FAM151A: variants seen among roughly 807,000 people sequenced by gnomAD.
FAM151A encodes family with sequence similarity 151 member A, also known as protein FAM151A.
A neutral mutation model predicts 40.4 loss-of-function variants in FAM151A; 41 were observed. The observed-to-expected ratio is 1.01, with a 90% CI of 0.79 to 1.32. The LOEUF (loss-of-function observed/expected upper bound fraction) is 1.32. FAM151A is among the 40% of genes most tolerant of loss of function. The probability of loss-of-function intolerance (pLI) is 0.00; values close to 1 mark genes in which losing one functional copy is unlikely to be tolerated. For missense variants in FAM151A, 740 were observed against 740.4 expected, an observed-to-expected ratio of 1.00 and a Z score of 0.01; for synonymous variants, 337 against 312.5, an observed-to-expected ratio of 1.08 and a Z score of -0.83.
intron 6 of FAM151A, among the ~76,000 whole-genome samples, 162 bp downstream of exon 6, chr1:54,611,444 C>T (rs1425398247): frequency 6.6e-6 from 1 of 152,060 alleles, no homozygotes; most frequent in Non-Finnish European, 1.5e-5. Flanking sequence ...TGAAGCTTAG[C>T]ATACCATCCC....
In FAM151A at chr1:54,609,254, C is replaced by T. The variant is rs756840814; in HGVS notation, c.*14G>A. ...CTCCGCCCTGAGGTCCGCTGGCCCA[C>T]CACCCCTGGGTGCTCAGTTTCTACC... On this transcript the variant is annotated 3_prime_UTR_variant, in exon 8 of 8. Coordinates refer to ENST00000302250, the MANE Select transcript of FAM151A (RefSeq NM_176782.3). 1.9e-6 allele frequency: 3 copies of T among 1,596,204 alleles called. No individual in the cohort carries two copies. The highest frequency in any genetic ancestry group is 1.1e-5 in the South Asian group (1 of 88,712).
chr1:54,621,951 A>T (rs1644233744), intron 1 of FAM151A: 1 of 152,502 alleles, frequency 6.6e-6, no homozygotes, highest in Non-Finnish European at 1.5e-5. Context: ...CCAAGATCTG[A>T]TGGTCTTCAG....
chr1:54,613,243 G>A (rs1644137515), intron 4 of FAM151A, among the ~76,000 whole-genome samples: 1 of 152,034 alleles, frequency 6.6e-6, no homozygotes, highest in African/African-American at 2.4e-5. Flanking sequence ...GCTGAACGTG[G>A]TGGCGCATGG....
chr1:54,616,017 T>C lies in FAM151A; in HGVS notation c.415+3A>G. The stretch of plus-strand genomic sequence containing the variant: ...CGGAGAGGGTTTCCAGAGAGGCCCT[T>C]ACCCTTTTGGGAAGAGCCCAGCACA... On this transcript the variant is annotated splice_donor_region_variant and intron_variant, in intron 3 of 7. Coordinates refer to ENST00000302250, the MANE Select transcript of FAM151A (RefSeq NM_176782.3). 1 of 1,613,490 alleles carries C rather than the reference T, an allele frequency of 6.2e-7. No individual in the cohort carries two copies. Among genetic ancestry groups the C allele is most frequent in the Non-Finnish European group, 8.5e-7 (1 of 1,179,970 alleles).
At position 54,609,285 on chromosome 1, in the gene FAM151A, G is replaced by A. The variant is rs1047501126; in HGVS notation, c.1741C>T (p.His581Tyr). The change falls in exon 8 of 8, where the codon CAT (histidine) becomes TAT (tyrosine). Residue 581 changes from histidine (H) to tyrosine (Y), a missense_variant. Coordinates refer to ENST00000302250, the MANE Select transcript of FAM151A (RefSeq NM_176782.3). Reference protein sequence around the residue: ...PQGYHKDLLAHVGRN With the variant: ...PQGYHKDLLAYVGRN ...CTGGGTGCTCAGTTTCTACCAACAT[G>A]AGCCAGCAAGTCCTTGTGGTAGCCC... The A allele has an allele frequency of 1.2e-6, 2 of 1,606,146 alleles. No homozygotes were observed. Among genetic ancestry groups the A allele is most frequent in the African/African-American group, 2.7e-5 (2 of 74,964 alleles).
intron 1 of FAM151A, chr1:54,621,337 AT>A (rs1307953783): frequency 6.6e-6 from 1 of 152,122 alleles, no homozygotes; most frequent in Admixed American, 6.6e-5. Context: ...CATGCCTGTA[AT>A]CCCAGCTACT....
intron 3 of FAM151A, 86 bp downstream of exon 3, chr1:54,615,934 C>T: frequency 7.0e-7 from 1 of 1,424,816 alleles, no homozygotes; most frequent in Non-Finnish European, 9.7e-7. Flanking sequence ...CAGGGCTGGA[C>T]TTGCTTCCCA....
intron 6 of FAM151A, 116 bp downstream of exon 6, chr1:54,611,490 C>T: frequency 9.7e-7 from 1 of 1,034,072 alleles, no homozygotes; most frequent in Non-Finnish European, 1.4e-6. Context: ...GCCTCCTGTC[C>T]CACCCCGGCC....
At chr1:54,619,344 T>G (rs534239099) in intron 2 of FAM151A, among the ~76,000 whole-genome samples, 2 of 152,358 alleles carry the variant, frequency 1.3e-5, no homozygotes, top group South Asian at 2.1e-4. Context: ...CTGACCACTC[T>G]GGGCTCCAAT....
intron 1 of FAM151A, chr1:54,621,685 C>G (rs1644230893): frequency 6.6e-6 from 1 of 152,660 alleles, no homozygotes; most frequent in South Asian, 2.1e-4. Context: ...AAGCTTCTCA[C>G]AGGGCAGGGC....
chr1:54,612,373 T>C (rs1655528), intron 5 of FAM151A, 113 bp downstream of exon 5: 617,038 of 720,642 alleles, frequency 0.86, 271,140 homozygotes, highest in Non-Finnish European at 0.94. Flanking sequence ...GCATGAGCAC[T>C]GGCAGGGGTT....
In FAM151A at chr1:54,610,567, C is replaced by A. The variant is rs1412053260; in HGVS notation, c.941-12G>T. 1 of 1,607,840 alleles carries A rather than the reference C, an allele frequency of 6.2e-7. No homozygotes were observed. Among genetic ancestry groups the A allele is most frequent in the Non-Finnish European group, 8.5e-7 (1 of 1,176,150 alleles). On this transcript the variant is annotated splice_polypyrimidine_tract_variant and intron_variant, in intron 6 of 7. Transcript: ENST00000302250. ...CCGTGTGGCATTCACTGTGGGGCCC[C>A]AAATCGCCAAGGTGAAGTGGCTGCC...
intron 4 of FAM151A, among the ~76,000 whole-genome samples, chr1:54,613,467 C>T (rs948362625): frequency 3.3e-5 from 5 of 151,146 alleles, no homozygotes; most frequent in African/African-American, 1.2e-4. Flanking sequence ...TCTCTCTTTT[C>T]TTTCTATACG....
chr1:54,610,146 G>A (rs1644100476), intron 7 of FAM151A: 3 of 1,433,288 alleles, frequency 2.1e-6, no homozygotes, highest in Non-Finnish European at 2.7e-6. Flanking sequence ...TCAGCTCTTG[G>A]CCTTTACCCA....
chr1:54,615,967 G>A, intron 3 of FAM151A, 53 bp downstream of exon 3: 2 of 1,587,418 alleles, frequency 1.3e-6, no homozygotes, highest in Non-Finnish European at 1.7e-6. Context: ...TGCACATGCT[G>A]CCCCAGGGCC....
intron 2 of FAM151A, 152 bp downstream of exon 2, chr1:54,619,712 C>G: frequency 1.3e-6 from 1 of 753,106 alleles, no homozygotes. Flanking sequence ...GAGCTGGTCA[C>G]TTAACCCCTC....
chr1:54,612,675 G>A lies in FAM151A; in HGVS notation c.611C>T (p.Ala204Val). 33 of 1,614,036 alleles carry A rather than the reference G, an allele frequency of 2.0e-5. No homozygotes were observed. Among genetic ancestry groups the A allele is most frequent in the Non-Finnish European group, 2.7e-5 (32 of 1,179,988 alleles). Residue 204 changes from alanine (A) to valine (V), a missense_variant, in exon 5 of 8, where the codon GCT becomes GTT. Coordinates refer to ENST00000302250, the MANE Select transcript of FAM151A (RefSeq NM_176782.3). The stretch of plus-strand genomic sequence containing the variant: ...GGTGGTCCAGCCTGGAGATAGGGTA[G>A]CCTTGGGATACTTCTCCTGGACCAG... ...LALVQEKYPK[A>V]TLSPGWTTFY...
rs931405175 is a variant in FAM151A, at chr1:54,616,185, C to T, written c.263-13G>A. 4.4e-6 allele frequency: 7 copies of T among 1,602,336 alleles called. No homozygotes were observed. In the Admixed American group the frequency reaches 8.6e-5, roughly 20 times the overall value. On this transcript the variant is annotated splice_polypyrimidine_tract_variant and intron_variant, in intron 2 of 7. Coordinates refer to ENST00000302250, the MANE Select transcript of FAM151A (RefSeq NM_176782.3). ...ACTGTGATGTTGCCTGTGGAAGGGG[C>T]AACAACTCAGTGAGTTCCTTTTTTT...
At position 54,609,910 on chromosome 1, in the gene FAM151A, G is replaced by T; in HGVS notation, c.1116C>A (p.Gly372=). The T allele has an allele frequency of 6.2e-7, 1 of 1,609,486 alleles. No homozygotes were observed. Among genetic ancestry groups the T allele is most frequent in the Non-Finnish European group, 8.5e-7 (1 of 1,179,800 alleles). The change falls in exon 8 of 8, where the codon GGC becomes GGA. Residue 372 remains glycine (G), a synonymous_variant. Transcript: ENST00000302250. ...GGTTTTCAGCCACAGTTCCCTCGAG[G>T]CCAGTGTTCAGCAGGATCATGCCTT... ...DTEGMILLNT[G]LEGTVAENPV...
Sources: gnomAD v4.1 joint callset for allele counts (sites outside exome capture counted in the v4.1 genomes callset) on GRCh38, gnomAD v4.1.1 for gene constraint, MANE v1.5 for transcripts, NCBI Gene and HGNC (gene_info 2026-07-23, HGNC 2026-07-21) for gene names.